The following GRAMD2A variants were observed in gnomAD, a reference collection of about 807,000 sequenced individuals.
The protein encoded by GRAMD2A is GRAM domain-containing protein 2A.
In GRAMD2A, 37 loss-of-function variants were observed where a neutral mutation model predicts 51.1. The observed-to-expected ratio is 0.72, with a 90% confidence interval of 0.56 to 0.95. The LOEUF (loss-of-function observed/expected upper bound fraction) is 0.95. GRAMD2A is among the 40% of genes least tolerant of loss of function. The pLI is 0.00. For synonymous variants in GRAMD2A, 136 were observed against 157.1 expected, an observed-to-expected ratio of 0.87 and a Z score of 1.01; for missense variants, 414 against 426.9, an observed-to-expected ratio of 0.97 and a Z score of 0.27.
At chr15:72,197,353 C>T (rs2081815314) in intron 1 of GRAMD2A, among the ~76,000 whole-genome samples, 3 of 152,190 alleles carry the variant, frequency 2.0e-5, no homozygotes. Context: ...GTCGATACCG[C>T]GGGCAACGAA....
chr15:72,187,929 C>T (rs569475082), intron 1 of GRAMD2A, among the ~76,000 whole-genome samples: 20 of 152,170 alleles, frequency 1.3e-4, no homozygotes, highest in South Asian at 6.2e-4. Context: ...TTGTATGTTA[C>T]GACAGTATGA....
At chr15:72,188,656 T>C (rs1025241471) in intron 1 of GRAMD2A, among the ~76,000 whole-genome samples, 6 of 152,172 alleles carry the variant, frequency 3.9e-5, no homozygotes, top group African/African-American at 1.4e-4. Flanking sequence ...GTTTTCTTTA[T>C]ACTTTTCTGT....
In GRAMD2A at chr15:72,163,738, A is replaced by G. The variant is rs1404136802; in HGVS notation, c.620T>C (p.Met207Thr). Residue 207 changes from methionine to threonine, a missense_variant, in exon 9 of 12, where the codon ATG becomes ACG. Met to Thr is a moderately conservative substitution (Grantham distance 81). Coordinates refer to ENST00000309731, the MANE Select transcript of GRAMD2A (RefSeq NM_001012642.3). ...PESLEVLIPE[M>T]KWRKVCPSSR... Reference sequence around the variant, plus strand: ...GGAAGGGCATACCTTTCTCCACTTCATCTCAGGGATGAGGACTTCCTGCAG... The same window carrying G: ...GGAAGGGCATACCTTTCTCCACTTCGTCTCAGGGATGAGGACTTCCTGCAG... 6.2e-7 allele frequency: 1 copy of G among 1,609,430 alleles called. No homozygotes were observed.
intron 10 of GRAMD2A, 102 bp downstream of exon 10, chr15:72,163,163 TC>T (rs1567079771): frequency 7.9e-6 from 6 of 754,974 alleles, no homozygotes; most frequent in East Asian, 2.6e-5. Flanking sequence ...CTCAGAAACT[TC>T]CCCCTGGTTC....
intron 1 of GRAMD2A, among the ~76,000 whole-genome samples, chr15:72,195,079 A>C (rs957180449): frequency 1.3e-4 from 20 of 152,152 alleles, no homozygotes; most frequent in African/African-American, 4.6e-4. Flanking sequence ...CACTGGCCCA[A>C]ATTTTTTCAC....
intron 1 of GRAMD2A, chr15:72,176,647 C>T (rs1248209353): frequency 4.6e-5 from 7 of 152,408 alleles, no homozygotes; most frequent in African/African-American, 1.7e-4. Context: ...TCGTGGACAT[C>T]TGTCCTGGAT....
At chr15:72,176,786 G>A (rs1411811100) in intron 1 of GRAMD2A, among the ~76,000 whole-genome samples, 1 of 151,848 alleles carries the variant, frequency 6.6e-6, no homozygotes, top group Non-Finnish European at 1.5e-5. Context: ...CTACTTCAGG[G>A]GGAAAGGACA....
chr15:72,163,364 C>G lies in GRAMD2A; in HGVS notation c.858G>C (p.Lys286Asn), dbSNP rs150497149. ...GCTCATCCTCCTCATAGACAGCATT[C>G]TTTGCAGTGGGAGAGCAGTTCGGCA... ...KKMPNCSPTAKNAVYEEDELE... is the reference protein window; with the variant it reads ...KKMPNCSPTANNAVYEEDELE... Residue 286 changes from lysine (K) to asparagine (N), a missense_variant, in exon 10 of 12, where the codon AAG becomes AAC. Coordinates refer to ENST00000309731, the MANE Select transcript of GRAMD2A (RefSeq NM_001012642.3). The G allele has an allele frequency of 2.1e-5, 34 of 1,614,086 alleles. No individual in the cohort carries two copies. Among genetic ancestry groups the G allele is most frequent in the African/African-American group, 4.0e-5 (3 of 74,942 alleles).
At chr15:72,169,360 G>A (rs987208800) in intron 2 of GRAMD2A, 2 of 457,844 alleles carry the variant, frequency 4.4e-6, no homozygotes, top group Non-Finnish European at 8.3e-6. Flanking sequence ...AGGGGAGCAG[G>A]CAGTGCTGGA....
chr15:72,194,111 G>C (rs2081788453), intron 1 of GRAMD2A, among the ~76,000 whole-genome samples: 1 of 152,232 alleles, frequency 6.6e-6, no homozygotes, highest in Non-Finnish European at 1.5e-5. Flanking sequence ...CTGATGCCCT[G>C]AAGTCCAGGT....
In GRAMD2A at chr15:72,183,065, GTCTC is replaced by G. The variant is rs202075870; in HGVS notation, c.42-13130_42-13127del. Among the ~76,000 whole-genome samples, 652 of 152,198 alleles carry G rather than the reference GTCTC, an allele frequency of 4.3e-3. 6 individuals are homozygous for G. Among genetic ancestry groups the G allele is most frequent in the African/African-American group, 0.015 (625 of 41,556 alleles). The stretch of plus-strand genomic sequence containing the variant: ...TTTTGGTATTTTATGTAGAGACAGG[GTCTC>G]TCTATGTTATCCAGGCTGGTCTCAA... On this transcript the variant is annotated intron_variant, in intron 1 of 11. Transcript: ENST00000309731.
In GRAMD2A at chr15:72,166,996, T is replaced by C; in HGVS notation, c.469A>G (p.Lys157Glu). ...GLAITTNTSQ[K>E]YIFVSLLSRD... Reference sequence around the variant, plus strand: ...GAGCATGGGCCCAGTGCACTGACCTTCTGGCTGGTGTTGGTGGTGATGGCC... The same window carrying C: ...GAGCATGGGCCCAGTGCACTGACCTCCTGGCTGGTGTTGGTGGTGATGGCC... Residue 157 changes from lysine to glutamate, a missense_variant and splice_region_variant, in exon 6 of 12, where the codon AAG (lysine) becomes GAG (glutamate). Coordinates refer to ENST00000309731, the MANE Select transcript of GRAMD2A (RefSeq NM_001012642.3). This position sits in a 1 kb window ranked among gnomAD's most constrained non-coding sequence, Gnocchi z 4.1. 6.2e-7 allele frequency: 1 copy of C among 1,612,970 alleles called. No homozygotes were observed.
In GRAMD2A at chr15:72,166,651, C is replaced by T; in HGVS notation, c.524G>A (p.Arg175Lys). 6.2e-7 allele frequency: 1 copy of T among 1,613,892 alleles called. No individual in the cohort carries two copies. The highest frequency in any genetic ancestry group is 8.5e-7 in the Non-Finnish European group (1 of 1,179,896). The change falls in exon 7 of 12, where the codon AGA becomes AAA. Residue 175 changes from arginine to lysine, a missense_variant. Arg to Lys is a conservative substitution (Grantham distance 26). Transcript: ENST00000309731. The surrounding 1 kb of genome is among the most constrained non-coding windows in gnomAD (Gnocchi z 4.1). Reference protein sequence around the residue: ...SRDSVYDLLRRVCTHLQPSSK... With the variant: ...SRDSVYDLLRKVCTHLQPSSK... ...CCATACCTGTAGGTGGGTGCAGACT[C>T]TCCTCAGCAGGTCATATACACTGTC...
At position 72,166,733 on chromosome 15, in the gene GRAMD2A, TA is replaced by T. The variant is rs2081549960; in HGVS notation, c.472-31del. 1 of 1,580,206 alleles carries T rather than the reference TA, an allele frequency of 6.3e-7. No individual in the cohort carries two copies. The highest frequency in any genetic ancestry group is 8.7e-7 in the Non-Finnish European group (1 of 1,152,182). On this transcript the variant is annotated intron_variant, in intron 6 of 11. Transcript: ENST00000309731. The surrounding 1 kb of genome is among the most constrained non-coding windows in gnomAD (Gnocchi z 4.1). ...GACATGGAAAGAAAACAGACAGGGG[TA>T]GGGTGAGATGAGACTCCTTGCTGTG... is the stretch of plus-strand genomic sequence containing the variant.
chr15:72,167,052 T>G lies in GRAMD2A; in HGVS notation c.413A>C (p.His138Pro). Residue 138 changes from histidine (H) to proline (P), a missense_variant, in exon 6 of 12, where the codon CAC (histidine) becomes CCC (proline). Coordinates refer to ENST00000309731, the MANE Select transcript of GRAMD2A (RefSeq NM_001012642.3). ...ATTGGGAAGGAGCCGTGCCATCTTG[T>G]GTTTTTTGATCATTTGCACAGACAC... ...PVVSVQMIKKHKMARLLPNGL... is the reference protein window; with the variant it reads ...PVVSVQMIKKPKMARLLPNGL... The G allele has an allele frequency of 6.2e-7, 1 of 1,614,116 alleles. No homozygotes were observed. The highest frequency in any genetic ancestry group is 1.7e-5 in the Admixed American group (1 of 60,016).
rs778732169 is a variant in GRAMD2A at position 72,163,725 on chromosome 15, C to T, written c.633G>A (p.Lys211=). The part of the protein sequence containing the change: ...EVLIPEMKWR[K]VCPSSRSLSL... ...ACAGGGACCTGGAGGAAGGGCATAC[C>T]TTTCTCCACTTCATCTCAGGGATGA... The change falls in exon 9 of 12, where the codon AAG becomes AAA. Residue 211 remains lysine (K), a synonymous_variant. Coordinates refer to ENST00000309731, the MANE Select transcript of GRAMD2A (RefSeq NM_001012642.3). 6.2e-7 allele frequency: 1 copy of T among 1,609,366 alleles called. No homozygotes were observed. The highest frequency in any genetic ancestry group is 1.3e-5 in the African/African-American group (1 of 74,602).
intron 1 of GRAMD2A, among the ~76,000 whole-genome samples, chr15:72,179,826 G>A (rs975472747): frequency 1.2e-4 from 18 of 152,100 alleles, no homozygotes; most frequent in African/African-American, 3.9e-4. Context: ...ATCTACCCAC[G>A]GCAAGTGAAG....
At chr15:72,178,919 G>T (rs1379233463) in intron 1 of GRAMD2A, among the ~76,000 whole-genome samples, 17 of 152,216 alleles carry the variant, frequency 1.1e-4, no homozygotes, top group African/African-American at 3.1e-4. Context: ...TATTTTCTCA[G>T]ATGACATTCC....
At chr15:72,171,270 CA>C (rs2081607378) in intron 1 of GRAMD2A, among the ~76,000 whole-genome samples, 1 of 151,628 alleles carries the variant, frequency 6.6e-6, no homozygotes, top group South Asian at 2.1e-4. Context: ...TCCATCATGT[CA>C]CATTTCACAG....
Sources: gnomAD v4.1 joint callset for allele counts (sites outside exome capture counted in the v4.1 genomes callset) on GRCh38, gnomAD v4.1.1 for gene constraint, Gnocchi (gnomAD v3.1) non-coding constraint, MANE v1.5 for transcripts, NCBI Gene and HGNC (gene_info 2026-07-23, HGNC 2026-07-21) for gene names.